AGPAT5: variants seen among roughly 807,000 people sequenced by gnomAD.
AGPAT5 encodes the protein 1-acylglycerol-3-phosphate O-acyltransferase 5.
AGPAT5 carries 46 observed loss-of-function variants against 45.6 expected under a neutral mutation model. The observed-to-expected ratio is 1.01, with a 90% CI of 0.80 to 1.29. The LOEUF is 1.29. Ranked by LOEUF, AGPAT5 falls within the 50% of genes most tolerant of loss-of-function variation. AGPAT5 has a pLI of 0.00. For missense variants in AGPAT5, 673 were observed against 450.7 expected (o/e 1.49, Z -4.47); for synonymous variants, 272 against 167.0 (o/e 1.63, Z -4.85).
At chr8:6,729,818 C>A (rs1483447375) in intron 2 of AGPAT5, among the ~76,000 whole-genome samples, 2 of 152,130 alleles carry the variant, frequency 1.3e-5, no homozygotes, top group Admixed American at 6.5e-5. Context: ...TTTTTGCAAC[C>A]CTTTGTTAAT....
chr8:6,747,544 G>A, intron 5 of AGPAT5, 126 bp from the exon 6 acceptor site: 1 of 878,838 alleles, frequency 1.1e-6, no homozygotes, highest in South Asian at 2.0e-5. Flanking sequence ...CTAAATATAT[G>A]AGGTTGTGGA....
chr8:6,750,804 C>T (rs10102003), intron 6 of AGPAT5, among the ~76,000 whole-genome samples: 3,049 of 151,308 alleles, frequency 0.02, 103 homozygotes, highest in African/African-American at 0.07. Flanking sequence ...CAAGTATTAT[C>T]AGGCATTTTT....
intron 4 of AGPAT5, among the ~76,000 whole-genome samples, chr8:6,733,338 CCCT>C (rs1307206398): frequency 1.3e-5 from 2 of 152,318 alleles, no homozygotes; most frequent in East Asian, 3.9e-4. Context: ...CCTCTGTCTT[CCCT>C]CCTCTCCTCC....
chr8:6,756,739 C>G (rs1801851523), intron 7 of AGPAT5, among the ~76,000 whole-genome samples: 1 of 152,098 alleles, frequency 6.6e-6, no homozygotes, highest in African/African-American at 2.4e-5. Flanking sequence ...TGGGACCAGC[C>G]CCCTGTCGAT....
chr8:6,760,952 A>G lies in AGPAT5; in HGVS notation c.*3564A>G, dbSNP rs1802021052. Among the ~76,000 whole-genome samples the G allele has an allele frequency of 6.6e-6, 1 of 152,226 alleles. No homozygotes were observed. On this transcript the variant is annotated 3_prime_UTR_variant, in exon 8 of 8. Coordinates refer to ENST00000285518, the MANE Select transcript of AGPAT5 (RefSeq NM_018361.5). The stretch of plus-strand genomic sequence containing the variant: ...GTACAATCGCTAATTTACTCAGTTT[A>G]GAGTAGCTACAACTCTTCGATACTA...
At chr8:6,709,244 G>C (rs1410196082) in intron 1 of AGPAT5, 4 of 334,018 alleles carry the variant, frequency 1.2e-5, no homozygotes, top group African/African-American at 2.2e-5. Flanking sequence ...GGTCATGTTG[G>C]AACAGATCGG....
chr8:6,722,123 A>G (rs932446053), intron 1 of AGPAT5, among the ~76,000 whole-genome samples: 1 of 152,218 alleles, frequency 6.6e-6, no homozygotes, highest in African/African-American at 2.4e-5. Flanking sequence ...ATGTATAGTA[A>G]TAAGGTTTGC....
intron 1 of AGPAT5, among the ~76,000 whole-genome samples, chr8:6,722,532 C>G (rs1800538129): frequency 1.3e-5 from 2 of 152,048 alleles, no homozygotes; most frequent in South Asian, 2.1e-4. Flanking sequence ...GTTATGGAGG[C>G]TAAGGTGTTA....
chr8:6,742,297 C>A (rs1801267526), intron 5 of AGPAT5, among the ~76,000 whole-genome samples: 1 of 152,170 alleles, frequency 6.6e-6, no homozygotes, highest in Non-Finnish European at 1.5e-5. Flanking sequence ...GTCCACAGTG[C>A]TTGGAAGCTG....
At chr8:6,755,947 A>C (rs939976920) in intron 7 of AGPAT5, among the ~76,000 whole-genome samples, 4 of 152,220 alleles carry the variant, frequency 2.6e-5, no homozygotes, top group African/African-American at 7.2e-5. Context: ...TTTAAAAGTA[A>C]GATCTACATG....
At chr8:6,743,462 C>A (rs1429802419) in intron 5 of AGPAT5, among the ~76,000 whole-genome samples, 2 of 152,168 alleles carry the variant, frequency 1.3e-5, no homozygotes, top group Non-Finnish European at 2.9e-5. Flanking sequence ...ACTCATATTT[C>A]TTGTCTTGGT....
At chr8:6,714,901 A>G (rs1800270396) in intron 1 of AGPAT5, among the ~76,000 whole-genome samples, 1 of 152,210 alleles carries the variant, frequency 6.6e-6, no homozygotes, top group Non-Finnish European at 1.5e-5. Flanking sequence ...TGTGGAGCTG[A>G]TGCTTCTCAA....
intron 7 of AGPAT5, among the ~76,000 whole-genome samples, chr8:6,755,420 CAT>C (rs1383628476): frequency 3.9e-5 from 6 of 152,180 alleles, no homozygotes; most frequent in Non-Finnish European, 7.3e-5. Flanking sequence ...TACGTGATAA[CAT>C]AGCAAATTAA....
chr8:6,731,463 A>G lies in AGPAT5; in HGVS notation c.405+637A>G, dbSNP rs140766427. Among the ~76,000 whole-genome samples, 394 of 152,234 alleles carry G rather than the reference A, an allele frequency of 2.6e-3. 1 individual carries two copies. The highest frequency in any genetic ancestry group is 0.024 in the Middle Eastern group (7 of 294). On this transcript the variant is annotated intron_variant, in intron 3 of 7. Coordinates refer to ENST00000285518, the MANE Select transcript of AGPAT5 (RefSeq NM_018361.5). ...CTCTAGATTACTTATAATATCTAATACATTATAAATGCCATGTAAATGGTT... is the reference window on the plus strand; with the variant it reads ...CTCTAGATTACTTATAATATCTAATGCATTATAAATGCCATGTAAATGGTT...
intron 6 of AGPAT5, among the ~76,000 whole-genome samples, chr8:6,753,328 A>G (rs1243938093): frequency 6.6e-6 from 1 of 152,164 alleles, no homozygotes; most frequent in African/African-American, 2.4e-5. Context: ...CACTTGAAAT[A>G]CCGGGTATCT....
intron 3 of AGPAT5, among the ~76,000 whole-genome samples, chr8:6,732,295 C>T (rs190095473): frequency 2.8e-3 from 429 of 152,296 alleles, no homozygotes; most frequent in African/African-American, 9.6e-3. Context: ...AGAAAGAAAG[C>T]ATTTTCATTT....
chr8:6,732,655 G>C lies in AGPAT5; in HGVS notation c.495+5G>C, dbSNP rs1177425871. 2 of 1,580,492 alleles carry C rather than the reference G, an allele frequency of 1.3e-6. No homozygotes were observed. Among genetic ancestry groups the C allele is most frequent in the Admixed American group, 2.0e-5 (1 of 49,122 alleles). On this transcript the variant is annotated splice_donor_5th_base_variant and intron_variant, in intron 4 of 7. Coordinates refer to ENST00000285518, the MANE Select transcript of AGPAT5 (RefSeq NM_018361.5). ...TACGTGGACGCAGGAACTCCAGTAA[G>C]AGCCTACCCGTTTTTATTTTTCTTA...
intron 7 of AGPAT5, among the ~76,000 whole-genome samples, chr8:6,755,483 G>A (rs534651057): frequency 7.9e-5 from 12 of 152,258 alleles, no homozygotes; most frequent in Non-Finnish European, 1.0e-4. Context: ...TCAGATGCCC[G>A]GACCTACCTG....
At chr8:6,725,155 G>T (rs567400217) in intron 2 of AGPAT5, among the ~76,000 whole-genome samples, 1 of 152,268 alleles carries the variant, frequency 6.6e-6, no homozygotes, top group African/African-American at 2.4e-5. Flanking sequence ...CCCTCTGTTG[G>T]ATGTAAGTAA....
Sources: allele counts gnomAD v4.1 joint callset (sites outside exome capture counted in the v4.1 genomes callset), GRCh38; gene constraint gnomAD v4.1.1; transcripts MANE v1.5; gene names NCBI Gene and HGNC (gene_info 2026-07-23, HGNC 2026-07-21).